NHSL1: variants seen among roughly 807,000 people sequenced by gnomAD.
The protein encoded by NHSL1 is NHS-like protein 1.
Under a neutral mutation model 95.0 loss-of-function variants are expected in NHSL1, and 48 were observed. That is an observed-to-expected ratio of 0.51 (90% CI 0.40 to 0.64). The LOEUF (loss-of-function observed/expected upper bound fraction) is 0.64. Ranked by LOEUF, NHSL1 falls within the 30% of genes least tolerant of loss-of-function variation. The probability of loss-of-function intolerance (pLI) is 0.00; values close to 1 mark genes in which losing one functional copy is unlikely to be tolerated. For synonymous variants in NHSL1, 783 were observed against 833.9 expected (o/e 0.94, Z 1.05); for missense variants, 1,971 against 2,077.7 (o/e 0.95, Z 1.00).
chr6:138,643,203 G>A (rs998942899), intron 1 of NHSL1, among the ~76,000 whole-genome samples: 2 of 152,182 alleles, frequency 1.3e-5, no homozygotes, highest in African/African-American at 4.8e-5. Flanking sequence ...TCACAATTCT[G>A]TAGGTATCGT....
At chr6:138,666,849 G>A (rs1333501542) in intron 1 of NHSL1, among the ~76,000 whole-genome samples, 3 of 152,140 alleles carry the variant, frequency 2.0e-5, no homozygotes, top group Non-Finnish European at 4.4e-5. Flanking sequence ...CATAAATTCT[G>A]TAACGCTGGA....
chr6:138,540,035 G>A (rs1450148336), intron 1 of NHSL1, among the ~76,000 whole-genome samples: 1 of 152,176 alleles, frequency 6.6e-6, no homozygotes, highest in South Asian at 2.1e-4. Context: ...TAAATTCCAA[G>A]GGCTTTCCCC....
chr6:138,690,109 C>T (rs371065834), intron 1 of NHSL1, among the ~76,000 whole-genome samples: 5 of 152,286 alleles, frequency 3.3e-5, no homozygotes, highest in African/African-American at 9.6e-5. Context: ...TAAGAATTCA[C>T]GAAATGGATG....
intron 1 of NHSL1, among the ~76,000 whole-genome samples, chr6:138,536,463 C>A (rs749067078): frequency 3.9e-5 from 6 of 152,164 alleles, no homozygotes; most frequent in Non-Finnish European, 7.3e-5. Flanking sequence ...CTTGTAAACC[C>A]AAACCTAAAA....
intron 5 of NHSL1, 142 bp from the exon 6 acceptor site, chr6:138,433,822 T>C: frequency 6.4e-6 from 8 of 1,245,478 alleles, no homozygotes; most frequent in African/African-American, 1.5e-5. Context: ...TCTAAGTACA[T>C]TTAAAAAGTT....
chr6:138,476,565 G>A (rs1324210802), intron 2 of NHSL1, among the ~76,000 whole-genome samples: 10 of 152,094 alleles, frequency 6.6e-5, no homozygotes, highest in African/African-American at 1.9e-4. Context: ...AGTAGCTCAC[G>A]CCTGTAATCC....
Position 138,498,976 on chromosome 6 carries a change from T to A in NHSL1, c.58+257A>T, listed in dbSNP as rs980388729. On this transcript the variant is annotated intron_variant, in intron 1 of 7. Transcript: ENST00000343505. ...ACTTAAAACCCCAATCATAAATAAA[T>A]AAGACATGCTAAGATCACATAATAC... 2.6e-5 allele frequency among the ~76,000 whole-genome samples: 4 copies of A among 152,114 alleles called. No individual in the cohort carries two copies. In the East Asian group the frequency reaches 5.8e-4, roughly 22 times the overall value.
intron 1 of NHSL1, among the ~76,000 whole-genome samples, chr6:138,527,508 A>AT (rs796922764): frequency 1.1e-4 from 16 of 152,336 alleles, no homozygotes; most frequent in African/African-American, 3.8e-4. Context: ...TAGCGGCTGA[A>AT]TTTATAGCTC....
At chr6:138,641,622 CA>C (rs771307557) in intron 1 of NHSL1, among the ~76,000 whole-genome samples, 19,773 of 76,468 alleles carry the variant, frequency 0.26, 1,050 homozygotes, top group Middle Eastern at 0.3. Flanking sequence ...GACTCCGTCT[CA>C]AAAAAAAAAA....
In NHSL1 at chr6:138,432,706, G is replaced by C. The variant is rs1212147073; in HGVS notation, c.1639C>G (p.His547Asp). Residue 547 changes from histidine (H) to aspartate (D), a missense_variant, in exon 6 of 8, where the codon CAC (histidine) becomes GAC (aspartate). Physicochemically the swap from His to Asp is moderately conservative, Grantham distance 81. Around this residue, in one of 3 missense-constraint regions of NHSL1, gnomAD observed 1,602 missense variants for 1,654.5 expected, o/e 0.97. Coordinates refer to ENST00000343505, the MANE Select transcript of NHSL1 (RefSeq NM_001144060.2). The surrounding 1 kb of genome is among the most constrained non-coding windows in gnomAD (Gnocchi z 4.4). ...TATTCCCAGGGCTCCGAGCTGCTGTGCCCTCCGCCCCCTGAATAACTAGAT... is the reference window on the plus strand; with the variant it reads ...TATTCCCAGGGCTCCGAGCTGCTGTCCCCTCCGCCCCCTGAATAACTAGAT... ...SESSYSGGGG[H>D]SSSEPWEYKS... 1 of 1,551,574 alleles carries C rather than the reference G, an allele frequency of 6.4e-7. No individual in the cohort carries two copies. The highest frequency in any genetic ancestry group is 1.2e-5 in the South Asian group (1 of 84,054).
chr6:138,623,723 G>T (rs984221003), intron 1 of NHSL1, among the ~76,000 whole-genome samples: 1 of 151,958 alleles, frequency 6.6e-6, no homozygotes, highest in Non-Finnish European at 1.5e-5. Flanking sequence ...GATTACAGAG[G>T]TGATATAGTT....
intron 1 of NHSL1, among the ~76,000 whole-genome samples, chr6:138,610,057 C>CA (rs1447731486): frequency 1.3e-5 from 2 of 152,108 alleles, no homozygotes; most frequent in Non-Finnish European, 2.9e-5. Flanking sequence ...ATAACACCCC[C>CA]ACCTGTTTCA....
At chr6:138,448,781 G>A (rs1276311049) in intron 3 of NHSL1, among the ~76,000 whole-genome samples, 5 of 152,304 alleles carry the variant, frequency 3.3e-5, no homozygotes, top group African/African-American at 1.2e-4. Flanking sequence ...GGCCAGGCAC[G>A]ATGGCTCACG....
chr6:138,521,309 T>TA (rs1005428138), intron 1 of NHSL1, among the ~76,000 whole-genome samples: 2 of 151,796 alleles, frequency 1.3e-5, no homozygotes, highest in Non-Finnish European at 2.9e-5. Flanking sequence ...AAAATAAAAA[T>TA]AAAAAAATTC....
intron 1 of NHSL1, among the ~76,000 whole-genome samples, chr6:138,511,579 G>A (rs1583332003): frequency 6.6e-6 from 1 of 151,418 alleles, no homozygotes; most frequent in Non-Finnish European, 1.5e-5. Flanking sequence ...GAGCCACCAC[G>A]CCCAGCCACT....
chr6:138,579,116 C>T (rs932913562), intron 1 of NHSL1, among the ~76,000 whole-genome samples: 15 of 152,174 alleles, frequency 9.9e-5, no homozygotes, highest in Admixed American at 3.3e-4. Context: ...AATCTAATGC[C>T]GCTGCCTGTC....
chr6:138,505,735 G>GGAAATAA (rs1331507888), intron 1 of NHSL1, among the ~76,000 whole-genome samples: 7 of 151,966 alleles, frequency 4.6e-5, no homozygotes, highest in Non-Finnish European at 7.4e-5. Context: ...AGGAGAAAGG[G>GGAAATAA]GAAATAAAAG....
intron 1 of NHSL1, among the ~76,000 whole-genome samples, chr6:138,652,301 C>T (rs1419098945): frequency 3.3e-5 from 5 of 151,838 alleles, no homozygotes; most frequent in South Asian, 2.1e-4. Context: ...ATTAGCCAGG[C>T]GTGGCGGCTC....
intron 1 of NHSL1, among the ~76,000 whole-genome samples, chr6:138,550,785 A>C (rs1782973538): frequency 6.6e-6 from 1 of 152,182 alleles, no homozygotes; most frequent in Non-Finnish European, 1.5e-5. Context: ...TCAAAATTTG[A>C]CTTCATTCCT....
Sources: gnomAD v4.1 joint callset for allele counts (sites outside exome capture counted in the v4.1 genomes callset) on GRCh38, gnomAD v4.1.1 for gene constraint, gnomAD v4.1.1 regional missense constraint, Gnocchi (gnomAD v3.1) non-coding constraint, MANE v1.5 for transcripts, NCBI Gene and HGNC (gene_info 2026-07-23, HGNC 2026-07-21) for gene names.